The following SLC25A21 variants were observed in gnomAD, a reference collection of about 807,000 sequenced individuals.
SLC25A21 encodes mitochondrial 2-oxodicarboxylate carrier.
SLC25A21 carries 47 observed loss-of-function variants against 43.8 expected under a neutral mutation model. That is an observed-to-expected ratio of 1.07 (90% CI 0.85 to 1.37). The LOEUF is 1.37. SLC25A21 is among the 40% of genes most tolerant of loss of function. SLC25A21 has a pLI of 0.00. For missense variants in SLC25A21, 352 were observed against 350.2 expected (o/e 1.00, Z -0.04); for synonymous variants, 131 against 121.3 (o/e 1.08, Z -0.52).
rs1266276352 is a variant in SLC25A21 at position 36,805,426 on chromosome 14, C to T, written c.203+8492G>A. Reference sequence around the variant, plus strand: ...AAGACCTCTGATTTAGAAAAGGAAACAGAACTCTGGGCCATTGAAGCCCTG... The same window carrying T: ...AAGACCTCTGATTTAGAAAAGGAAATAGAACTCTGGGCCATTGAAGCCCTG... On this transcript the variant is annotated intron_variant, in intron 3 of 9. Transcript: ENST00000331299. 2.0e-5 allele frequency among the ~76,000 whole-genome samples: 3 copies of T among 152,188 alleles called. No homozygotes were observed. The East Asian group carries it at 5.8e-4, about 29-fold the overall frequency.
chr14:37,171,240 G>A (rs1490308430), intron 1 of SLC25A21, among the ~76,000 whole-genome samples: 1 of 152,100 alleles, frequency 6.6e-6, no homozygotes, highest in Non-Finnish European at 1.5e-5. Flanking sequence ...TGTACAGATT[G>A]TAAGTGACAC....
intron 2 of SLC25A21, among the ~76,000 whole-genome samples, chr14:36,868,716 C>T (rs1050670989): frequency 1.3e-5 from 2 of 152,220 alleles, no homozygotes; most frequent in African/African-American, 4.8e-5. Context: ...AGTCCCCATT[C>T]TGCTTATCTT....
intron 1 of SLC25A21, among the ~76,000 whole-genome samples, chr14:36,944,966 A>T (rs1233394828): frequency 6.6e-6 from 1 of 152,188 alleles, no homozygotes; most frequent in Non-Finnish European, 1.5e-5. Context: ...ACAGTTGCTG[A>T]GAACATGCCA....
chr14:36,727,162 G>A (rs187485451), intron 5 of SLC25A21, among the ~76,000 whole-genome samples: 5 of 152,160 alleles, frequency 3.3e-5, no homozygotes, highest in Non-Finnish European at 7.3e-5. Flanking sequence ...GAGAGGCATC[G>A]GTCAGGAGAA....
At chr14:37,156,828 C>G (rs1265594372) in intron 1 of SLC25A21, among the ~76,000 whole-genome samples, 1 of 152,194 alleles carries the variant, frequency 6.6e-6, no homozygotes, top group African/African-American at 2.4e-5. Flanking sequence ...AACACAGTAA[C>G]AGTGGAAGAC....
chr14:36,872,471 G>A (rs1237431568), intron 2 of SLC25A21, among the ~76,000 whole-genome samples: 1 of 152,110 alleles, frequency 6.6e-6, no homozygotes, highest in Non-Finnish European at 1.5e-5. Context: ...TCCCACATGT[G>A]AGTCTGCTCC....
chr14:36,810,178 A>G (rs1451962114), intron 3 of SLC25A21, among the ~76,000 whole-genome samples: 5 of 152,166 alleles, frequency 3.3e-5, no homozygotes, highest in Non-Finnish European at 7.4e-5. Context: ...GCATCACAGG[A>G]AGAATGTCAA....
At chr14:37,032,568 G>T (rs1243121399) in intron 1 of SLC25A21, among the ~76,000 whole-genome samples, 2 of 149,272 alleles carry the variant, frequency 1.3e-5, no homozygotes, top group Non-Finnish European at 3.0e-5. Flanking sequence ...ATCCACAGGA[G>T]GCTGAGGCAT....
intron 1 of SLC25A21, among the ~76,000 whole-genome samples, chr14:37,168,926 G>A (rs1435889859): frequency 1.3e-5 from 2 of 152,198 alleles, no homozygotes; most frequent in East Asian, 1.9e-4. Context: ...TGAAAGGGTA[G>A]ATAAGCAGCC....
chr14:36,902,431 G>A (rs571077278), intron 1 of SLC25A21, among the ~76,000 whole-genome samples: 201 of 133,534 alleles, frequency 1.5e-3, no homozygotes, highest in African/African-American at 5.2e-3. Flanking sequence ...GCGAAGTATC[G>A]TATAGTAAAA....
intron 1 of SLC25A21, among the ~76,000 whole-genome samples, chr14:36,966,654 AATAAC>A (rs1238535997): frequency 6.6e-6 from 1 of 152,220 alleles, no homozygotes; most frequent in East Asian, 1.9e-4. Flanking sequence ...ATTCCCATCG[AATAAC>A]AACTGTTATC....
chr14:37,071,811 T>C (rs1375394081), intron 1 of SLC25A21, among the ~76,000 whole-genome samples: 1 of 152,164 alleles, frequency 6.6e-6, no homozygotes, highest in Non-Finnish European at 1.5e-5. Flanking sequence ...ATCATTTGCA[T>C]GTGCTGCTGA....
chr14:36,896,533 C>A (rs908923664), intron 1 of SLC25A21, among the ~76,000 whole-genome samples: 1 of 152,238 alleles, frequency 6.6e-6, no homozygotes, highest in South Asian at 2.1e-4. Flanking sequence ...GCATTTAGCC[C>A]ATTTACATTT....
At chr14:36,980,863 T>G (rs2138699157) in intron 1 of SLC25A21, among the ~76,000 whole-genome samples, 1 of 152,242 alleles carries the variant, frequency 6.6e-6, no homozygotes, top group Non-Finnish European at 1.5e-5. Flanking sequence ...ACTAAAGAGC[T>G]TCTGCACAGC....
intron 1 of SLC25A21, among the ~76,000 whole-genome samples, chr14:36,995,834 A>G (rs1031285652): frequency 1.3e-5 from 2 of 152,008 alleles, no homozygotes; most frequent in Non-Finnish European, 2.9e-5. Flanking sequence ...CGGGCAATCC[A>G]CTCCCTTACT....
intron 3 of SLC25A21, among the ~76,000 whole-genome samples, chr14:36,810,477 T>G (rs1888201026): frequency 6.6e-6 from 1 of 152,186 alleles, no homozygotes; most frequent in Non-Finnish European, 1.5e-5. Context: ...TTAACTTTCT[T>G]GTCATAATAT....
chr14:36,942,342 G>C (rs926636935), intron 1 of SLC25A21, among the ~76,000 whole-genome samples: 5 of 152,096 alleles, frequency 3.3e-5, no homozygotes, highest in African/African-American at 9.7e-5. Context: ...CGTTCTTAAA[G>C]AAGCTGGAAG....
At chr14:37,108,505 C>G (rs888359048) in intron 1 of SLC25A21, among the ~76,000 whole-genome samples, 1 of 152,022 alleles carries the variant, frequency 6.6e-6, no homozygotes, top group African/African-American at 2.4e-5. Flanking sequence ...GAAAAATGAA[C>G]AGAATGAAAA....
intron 1 of SLC25A21, among the ~76,000 whole-genome samples, chr14:37,019,543 C>T (rs765589002): frequency 2.6e-5 from 4 of 151,556 alleles, no homozygotes; most frequent in Admixed American, 1.3e-4. Context: ...CTGGGGCATG[C>T]CTGAAGAGTT....
Sources: allele counts gnomAD v4.1 joint callset (sites outside exome capture counted in the v4.1 genomes callset), GRCh38; gene constraint gnomAD v4.1.1; transcripts MANE v1.5; gene names NCBI Gene and HGNC (gene_info 2026-07-23, HGNC 2026-07-21).